The following MAST4 variants were observed in gnomAD, a reference collection of about 807,000 sequenced individuals.
MAST4 encodes the protein microtubule-associated serine/threonine-protein kinase 4.
A neutral mutation model predicts 162.7 loss-of-function variants in MAST4; 89 were observed. That is an observed-to-expected ratio of 0.55 (90% CI 0.46 to 0.65). The LOEUF (loss-of-function observed/expected upper bound fraction) is 0.65. Ranked by LOEUF, MAST4 falls within the 30% of genes least tolerant of loss-of-function variation. The pLI, the probability that MAST4 is intolerant of heterozygous loss-of-function variation, is 0.00. For synonymous variants in MAST4, 1,479 were observed against 1,361.1 expected, an observed-to-expected ratio of 1.09 and a Z score of -1.91; for missense variants, 3,153 against 3,374.0, an observed-to-expected ratio of 0.93 and a Z score of 1.62.
chr5:66,880,546 T>C (rs1012181477), intron 3 of MAST4, among the ~76,000 whole-genome samples: 1 of 152,198 alleles, frequency 6.6e-6, no homozygotes. Flanking sequence ...TTCTAACTTC[T>C]ACTGGATTCC....
chr5:66,922,094 T>C (rs1764577153), intron 4 of MAST4, among the ~76,000 whole-genome samples: 1 of 152,174 alleles, frequency 6.6e-6, no homozygotes, highest in African/African-American at 2.4e-5. Flanking sequence ...GACTTCCATA[T>C]TGCTGAAATT....
At chr5:67,099,667 T>G (rs1257504985) in intron 7 of MAST4, among the ~76,000 whole-genome samples, 2 of 152,180 alleles carry the variant, frequency 1.3e-5, no homozygotes, top group East Asian at 3.8e-4. Context: ...GTTTCTTTGC[T>G]TTTTAGTTAA....
At chr5:66,620,303 T>C (rs543422587) in intron 1 of MAST4, among the ~76,000 whole-genome samples, 1 of 152,292 alleles carries the variant, frequency 6.6e-6, no homozygotes, top group South Asian at 2.1e-4. Flanking sequence ...ACAATACTAC[T>C]TCCCCTCCAC....
At chr5:66,701,627 G>A (rs1749781011) in intron 1 of MAST4, among the ~76,000 whole-genome samples, 1 of 152,084 alleles carries the variant, frequency 6.6e-6, no homozygotes, top group South Asian at 2.1e-4. Flanking sequence ...TACTTTTTCT[G>A]TTTTCTGAAC....
At chr5:66,618,583 C>G (rs1036064793) in intron 1 of MAST4, among the ~76,000 whole-genome samples, 6 of 152,190 alleles carry the variant, frequency 3.9e-5, no homozygotes, top group Admixed American at 3.9e-4. Context: ...TGTCTCATTA[C>G]AGAACTAAAC....
At chr5:67,058,623 A>G (rs913360235) in intron 5 of MAST4, among the ~76,000 whole-genome samples, 4 of 152,350 alleles carry the variant, frequency 2.6e-5, no homozygotes, top group Non-Finnish European at 5.9e-5. Flanking sequence ...ATGTGCTGGT[A>G]TTGGAAGGAT....
rs766679199 is a variant in MAST4, at chr5:67,100,568, T to C, written c.1046T>C (p.Met349Thr). Residue 349 changes from methionine (M) to threonine (T), a missense_variant, in exon 8 of 29, where the codon ATG (methionine) becomes ACG (threonine). Met to Thr is a moderately conservative substitution (Grantham distance 81). Coordinates refer to ENST00000403625, the MANE Select transcript of MAST4 (RefSeq NM_001164664.2). ...GAGAACAGATGCAGGAACACGCCGA[T>C]GCGCCCCCGTTCCCGAAGTCTGAGG... ...ATENRCRNTP[M>T]RPRSRSLSPG... 1.9e-6 allele frequency: 3 copies of C among 1,613,906 alleles called. No homozygotes were observed. The highest frequency in any genetic ancestry group is 1.1e-5 in the South Asian group (1 of 91,060).
chr5:66,801,660 T>G (rs922933986), intron 3 of MAST4, among the ~76,000 whole-genome samples: 13 of 152,230 alleles, frequency 8.5e-5, no homozygotes, highest in Non-Finnish European at 1.3e-4. Flanking sequence ...GCTGCCTGTC[T>G]TTTCTTTTTG....
chr5:66,965,593 G>GGT (rs1561486382), intron 4 of MAST4, among the ~76,000 whole-genome samples: 1 of 127,426 alleles, frequency 7.8e-6, no homozygotes, highest in Non-Finnish European at 1.7e-5. Context: ...GGGGCGGGGG[G>GGT]GGGGGCGGTG....
At chr5:66,816,227 T>C (rs1328469360) in intron 3 of MAST4, among the ~76,000 whole-genome samples, 1 of 152,124 alleles carries the variant, frequency 6.6e-6, no homozygotes, top group African/African-American at 2.4e-5. Context: ...TTTTTGTGAT[T>C]CTTTTTTTTT....
chr5:67,072,307 TC>T (rs1208190557), intron 5 of MAST4, among the ~76,000 whole-genome samples: 1 of 152,202 alleles, frequency 6.6e-6, no homozygotes, highest in African/African-American at 2.4e-5. Context: ...TAGCAGCGTG[TC>T]AAATGTTCAT....
At chr5:66,649,984 T>G (rs1746115127) in intron 1 of MAST4, among the ~76,000 whole-genome samples, 1 of 152,156 alleles carries the variant, frequency 6.6e-6, no homozygotes, top group African/African-American at 2.4e-5. Flanking sequence ...TCACCTTTTT[T>G]TTTTCTTTTT....
intron 1 of MAST4, among the ~76,000 whole-genome samples, chr5:66,669,863 G>A (rs945259998): frequency 5.3e-5 from 8 of 152,200 alleles, no homozygotes; most frequent in African/African-American, 1.9e-4. Context: ...TTTGAGGTAA[G>A]CCTTGAATGA....
At chr5:66,833,162 C>A (rs764675332) in intron 3 of MAST4, among the ~76,000 whole-genome samples, 1 of 152,116 alleles carries the variant, frequency 6.6e-6, no homozygotes, top group Non-Finnish European at 1.5e-5. Context: ...CTCTTTTGCA[C>A]CTTTTGGCTC....
intron 4 of MAST4, among the ~76,000 whole-genome samples, chr5:67,048,161 T>C (rs893748560): frequency 6.6e-6 from 1 of 152,186 alleles, no homozygotes; most frequent in Non-Finnish European, 1.5e-5. Context: ...TCAAAGCTTT[T>C]TCAATCAAAT....
rs576571929 is a variant in MAST4 at position 66,927,699 on chromosome 5, G to A, written c.674+27717G>A. On this transcript the variant is annotated intron_variant, in intron 4 of 28. Coordinates refer to ENST00000403625, the MANE Select transcript of MAST4 (RefSeq NM_001164664.2). ...AAAGGAAGCAATGTACTGGACCCAG[G>A]AAGGTGCTTGAAGATGCGCCATCTG... 3.7e-4 allele frequency among the ~76,000 whole-genome samples: 57 copies of A among 152,218 alleles called. 1 individual carries two copies. The highest frequency in any genetic ancestry group is 1.8e-4 in the Non-Finnish European group (12 of 68,032).
At chr5:66,884,079 G>A (rs184644546) in intron 3 of MAST4, among the ~76,000 whole-genome samples, 1 of 152,190 alleles carries the variant, frequency 6.6e-6, no homozygotes, top group Admixed American at 6.5e-5. Flanking sequence ...TTTTCTTGTG[G>A]TCATTCTATG....
rs967209598 is a variant in MAST4, at chr5:66,720,082, C to T, written c.364-39627C>T. 4.6e-5 allele frequency among the ~76,000 whole-genome samples: 7 copies of T among 152,120 alleles called. No individual in the cohort carries two copies. In the South Asian group the frequency reaches 6.2e-4, roughly 14 times the overall value. On this transcript the variant is annotated intron_variant, in intron 1 of 28. Coordinates refer to ENST00000403625, the MANE Select transcript of MAST4 (RefSeq NM_001164664.2). ...TTTCTGAGGTTAACGCAAAGGCCTT[C>T]GGTAGTTCATTGTGAAATAGGGTCT...
intron 4 of MAST4, among the ~76,000 whole-genome samples, chr5:67,052,743 G>GA (rs1219584954): frequency 6.6e-6 from 1 of 151,950 alleles, no homozygotes; most frequent in Non-Finnish European, 1.5e-5. Context: ...TGCTAAACAC[G>GA]AAAAAATGTA....
Sources: gnomAD v4.1 joint callset for allele counts (sites outside exome capture counted in the v4.1 genomes callset) on GRCh38, gnomAD v4.1.1 for gene constraint, MANE v1.5 for transcripts, NCBI Gene and HGNC (gene_info 2026-07-23, HGNC 2026-07-21) for gene names.